WDR81: variants seen among roughly 807,000 people sequenced by gnomAD.
The protein encoded by WDR81 is WD repeat domain 81, also known as WD repeat-containing protein 81.
Under a neutral mutation model 140.8 loss-of-function variants are expected in WDR81, and 92 were observed. That is an observed-to-expected ratio of 0.65 (90% CI 0.55 to 0.78). The LOEUF (loss-of-function observed/expected upper bound fraction) is 0.78, where lower values mean the gene tolerates loss of function less well. Ranked by LOEUF, WDR81 falls within the 30% of genes least tolerant of loss-of-function variation. WDR81 has a pLI of 0.00. For missense variants in WDR81, 2,502 were observed against 2,636.4 expected (o/e 0.95, Z 1.12); for synonymous variants, 1,183 against 1,156.4 (o/e 1.02, Z -0.47).
chr17:1,737,571 C>G lies in WDR81; in HGVS notation c.5712C>G (p.Thr1904=). 2.5e-6 allele frequency: 4 copies of G among 1,612,910 alleles called. No homozygotes were observed. The South Asian group carries it at 3.3e-5, about 13-fold the overall frequency. Residue 1904 remains threonine, a synonymous_variant, in exon 10 of 10, where the codon ACC becomes ACG. Transcript: ENST00000409644. The part of the protein sequence containing the change: ...CSLLEPPSQA[T]TKLSSENFRG... Reference sequence around the variant, plus strand: ...TGCTTGAGCCACCCTCGCAGGCCACCACGAAGCTCAGCTCTGAGAACTTCC... The same window carrying G: ...TGCTTGAGCCACCCTCGCAGGCCACGACGAAGCTCAGCTCTGAGAACTTCC...
In WDR81 at chr17:1,737,656, G is replaced by A; in HGVS notation, c.5797G>A (p.Asp1933Asn). The stretch of plus-strand genomic sequence containing the variant: ...TAAACGCCACCTCCTGCTGGGCTCA[G>A]ACAACGGGGTTATCCGCCTCCTGGC... Reference protein sequence around the residue: ...PTKRHLLLGSDNGVIRLLA With the variant: ...PTKRHLLLGSNNGVIRLLA The change falls in exon 10 of 10, where the codon GAC (aspartate) becomes AAC (asparagine). Residue 1933 changes from aspartate to asparagine, a missense_variant. Coordinates refer to ENST00000409644, the MANE Select transcript of WDR81 (RefSeq NM_001163809.2). 6.2e-7 allele frequency: 1 copy of A among 1,611,726 alleles called. No individual in the cohort carries two copies. Among genetic ancestry groups the A allele is most frequent in the Non-Finnish European group, 8.5e-7 (1 of 1,179,798 alleles).
At position 1,725,544 on chromosome 17, in the gene WDR81, T is replaced by A. The variant is rs756066852; in HGVS notation, c.585T>A (p.Thr195=). The A allele has an allele frequency of 6.5e-7, 1 of 1,545,158 alleles. No individual in the cohort carries two copies. Among genetic ancestry groups the A allele is most frequent in the South Asian group, 1.2e-5 (1 of 84,068 alleles). ...GCTCCTTCCTGCCAGTGGGTGAAACTACCCAATGCCCTTCATATGCCAGAG... is the reference window on the plus strand; with the variant it reads ...GCTCCTTCCTGCCAGTGGGTGAAACAACCCAATGCCCTTCATATGCCAGAG... ...YGCSFLPVGE[T]TQCPSYAREG... The change falls in exon 1 of 10, where the codon ACT becomes ACA. Residue 195 remains threonine (T), a synonymous_variant. Transcript: ENST00000409644.
chr17:1,721,274 A>G (rs1220778959), upstream of WDR81, among the ~76,000 whole-genome samples: 3 of 151,910 alleles, frequency 2.0e-5, no homozygotes, highest in African/African-American at 7.3e-5. Context: ...CAGGAGAATC[A>G]CTTGAACCCG....
At position 1,728,506 on chromosome 17, in the gene WDR81, C is replaced by T. The variant is rs1423441158; in HGVS notation, c.3547C>T (p.Leu1183=). The T allele has an allele frequency of 1.2e-5, 19 of 1,586,310 alleles. No homozygotes were observed. Among genetic ancestry groups the T allele is most frequent in the South Asian group, 3.4e-5 (3 of 88,670 alleles). ...GGTCACCGGGGCATCTGAGCTCACT[C>T]TGTCTGACACGGTGCTGTCCATGGA... ...EEVTGASELT[L]SDTVLSMETV... Residue 1183 remains leucine (L), a synonymous_variant, in exon 1 of 10, where the codon CTG becomes TTG. Coordinates refer to ENST00000409644, the MANE Select transcript of WDR81 (RefSeq NM_001163809.2).
chr17:1,728,894 A>C (rs1915490483), intron 1 of WDR81, among the ~76,000 whole-genome samples: 1 of 152,012 alleles, frequency 6.6e-6, no homozygotes, highest in African/African-American at 2.4e-5. Context: ...CGGAGCTTGC[A>C]GTGAGCCGAG....
chr17:1,720,598 G>A (rs1465287561), upstream of WDR81, among the ~76,000 whole-genome samples: 1 of 151,990 alleles, frequency 6.6e-6, no homozygotes, highest in Non-Finnish European at 1.5e-5. Flanking sequence ...CCAACATGGT[G>A]AAACCCCATC....
rs754545737 is a variant in WDR81 at position 1,728,056 on chromosome 17, G to A, written c.3097G>A (p.Glu1033Lys). 1.3e-5 allele frequency: 19 copies of A among 1,504,484 alleles called. No individual in the cohort carries two copies. Among genetic ancestry groups the A allele is most frequent in the Middle Eastern group, 1.9e-4 (1 of 5,380 alleles). 93.2% of individuals were successfully genotyped at this position (1,504,484 alleles called of 1,614,324 possible). A position where few individuals can be genotyped will look rare whatever the true frequency, so the allele number is the denominator to read the frequency against. Residue 1033 changes from glutamate to lysine, a missense_variant, in exon 1 of 10, where the codon GAG becomes AAG. Physicochemically the swap from Glu to Lys is moderately conservative, Grantham distance 56. Coordinates refer to ENST00000409644, the MANE Select transcript of WDR81 (RefSeq NM_001163809.2). The stretch of plus-strand genomic sequence containing the variant: ...CCTGGCAGGGGCTGCTGAGGAGGAG[G>A]AGAGCGGGCTGCCCGGGGCCGGGCC... The part of the protein sequence containing the change: ...KDLAGAAEEE[E>K]SGLPGAGPGS...
At position 1,732,340 on chromosome 17, in the gene WDR81, C is replaced by G. The variant is rs778781096; in HGVS notation, c.4173C>G (p.Ala1391=). The part of the protein sequence containing the change: ...TSLVTGFPSG[A]QARTILCVKT... ...CTGTTTCCAGGTTCCCAAGTGGGGC[C>G]CAGGCTCGGACCATCCTGTGTGTGA... Residue 1391 remains alanine, a synonymous_variant, in exon 5 of 10, where the codon GCC becomes GCG. Coordinates refer to ENST00000409644, the MANE Select transcript of WDR81 (RefSeq NM_001163809.2). The G allele has an allele frequency of 3.1e-6, 5 of 1,613,214 alleles. No individual in the cohort carries two copies. In the Admixed American group the frequency reaches 5.0e-5, roughly 16 times the overall value.
Position 1,727,254 on chromosome 17 carries a change from C to A in WDR81, c.2295C>A (p.Cys765Ter). Residue 765 changes from cysteine to a stop codon, truncating the protein, a stop_gained, in exon 1 of 10, where the codon TGC (cysteine) becomes TGA (stop). Coordinates refer to ENST00000409644, the MANE Select transcript of WDR81 (RefSeq NM_001163809.2). LOFTEE classifies it high-confidence loss of function. ...PRVQPAVPLQ[C>*]LLHRDMQALG... is the part of the protein sequence containing the mutation. ...TCCAGCCGGCTGTGCCACTGCAGTG[C>A]CTACTCCACAGGGACATGCAGGCGC... The A allele has an allele frequency of 6.5e-7, 1 of 1,550,320 alleles. No homozygotes were observed. Among genetic ancestry groups the A allele is most frequent in the Non-Finnish European group, 8.7e-7 (1 of 1,146,958 alleles).
chr17:1,717,065 G>A (rs2151152564), intron 1 of WDR81: 1 of 200,658 alleles, frequency 5.0e-6, no homozygotes, highest in Middle Eastern at 2.1e-3. Context: ...CTTCTGGTCA[G>A]AAATTAGGGG....
rs1340385786 is a variant in WDR81 at position 1,738,123 on chromosome 17, G to A, written c.*438G>A. On this transcript the variant is annotated 3_prime_UTR_variant, in exon 10 of 10. Transcript: ENST00000409644. ...AGGACAGGGAAGCTGGCCTGGTCCAGGGCACTGATGGTGCTTGGATTCCAG... is the reference window on the plus strand; with the variant it reads ...AGGACAGGGAAGCTGGCCTGGTCCAAGGCACTGATGGTGCTTGGATTCCAG... The A allele has an allele frequency of 3.6e-5, 7 of 194,248 alleles. No homozygotes were observed. Among genetic ancestry groups the A allele is most frequent in the Admixed American group, 1.1e-4 (2 of 18,868 alleles). 12.0% of individuals were successfully genotyped at this position (194,248 alleles called of 1,614,324 possible). A position where few individuals can be genotyped will look rare whatever the true frequency, so the allele number is the denominator to read the frequency against.
In WDR81 at chr17:1,735,988, G is replaced by A. The variant is rs759722161; in HGVS notation, c.5326-51G>A. On this transcript the variant is annotated intron_variant, in intron 8 of 9. Coordinates refer to ENST00000409644, the MANE Select transcript of WDR81 (RefSeq NM_001163809.2). This position sits in a 1 kb window ranked among gnomAD's most constrained non-coding sequence, Gnocchi z 4.2. ...CTTGGGTGGTGGGCAGGGCCTTGGG[G>A]AGTGTGAGATGGGAAGGTGGTGCCT... 2.6e-4 allele frequency: 401 copies of A among 1,551,118 alleles called. No individual in the cohort carries two copies. The highest frequency in any genetic ancestry group is 3.3e-4 in the Non-Finnish European group (378 of 1,153,492).
rs1367234558 is a variant in WDR81, at chr17:1,727,773, T to A, written c.2814T>A (p.Ala938=). 6.4e-7 allele frequency: 1 copy of A among 1,550,718 alleles called. No individual in the cohort carries two copies. Among genetic ancestry groups the A allele is most frequent in the South Asian group, 1.2e-5 (1 of 84,066 alleles). ...CACTCATGTCCGAGGAGCACACAGC[T>A]GTGTACACGGCCTGGTATCTGTTTG... ...VLSLMSEEHT[A]VYTAWYLFEP... The change falls in exon 1 of 10, where the codon GCT becomes GCA. Residue 938 remains alanine (A), a synonymous_variant. Coordinates refer to ENST00000409644, the MANE Select transcript of WDR81 (RefSeq NM_001163809.2).
chr17:1,723,531 G>A (rs1183526872), upstream of WDR81, among the ~76,000 whole-genome samples: 2 of 146,254 alleles, frequency 1.4e-5, no homozygotes, highest in Non-Finnish European at 3.0e-5. Flanking sequence ...TGTTGCCCAG[G>A]TTGGAGTACA....
In WDR81 at chr17:1,728,145, G is replaced by C. The variant is rs62090046; in HGVS notation, c.3186G>C (p.Leu1062=). 0.016 allele frequency: 26,434 copies of C among 1,607,094 alleles called. 289 individuals carry two copies. Among genetic ancestry groups the C allele is most frequent in the Non-Finnish European group, 0.019 (22,898 of 1,175,924 alleles). ...MDGEPPASSG[L]GLPDYTSGVS... ...GGGAGCCTCCTGCCTCCTCGGGCCT[G>C]GGGCTCCCAGACTACACGTCTGGCG... The change falls in exon 1 of 10, where the codon CTG becomes CTC. Residue 1062 remains leucine (L), a synonymous_variant. Transcript: ENST00000409644.
chr17:1,725,526 C>G lies in WDR81; in HGVS notation c.567C>G (p.Phe189Leu), dbSNP rs1302683338. The G allele has an allele frequency of 6.5e-7, 1 of 1,545,646 alleles. No homozygotes were observed. The highest frequency in any genetic ancestry group is 2.4e-5 in the East Asian group (1 of 40,934). The change falls in exon 1 of 10, where the codon TTC (phenylalanine) becomes TTG (leucine). Residue 189 changes from phenylalanine to leucine, a missense_variant. By Grantham distance (22) the Phe-to-Leu change is conservative. This residue lies in a region of WDR81 where 547 missense variants were observed against 513.8 expected (regional missense o/e 1.06). Coordinates refer to ENST00000409644, the MANE Select transcript of WDR81 (RefSeq NM_001163809.2). ...QALQRVYGCSFLPVGETTQCP... is the reference protein window; with the variant it reads ...QALQRVYGCSLLPVGETTQCP... ...TGCAGAGGGTCTATGGTTGCTCCTT[C>G]CTGCCAGTGGGTGAAACTACCCAAT... is the stretch of plus-strand genomic sequence containing the variant.
Position 1,728,847 on chromosome 17 carries a change from G to C in WDR81, c.3667+221G>C, listed in dbSNP as rs557668903. 2.0e-5 allele frequency among the ~76,000 whole-genome samples: 3 copies of C among 152,218 alleles called. No individual in the cohort carries two copies. The South Asian group carries it at 6.2e-4, about 32-fold the overall frequency. Reference sequence around the variant, plus strand: ...AGGCACCTGTAGTCCCAGCTACTCGGAAGGCTGAGGCAGGAGAATGGCGTG... The same window carrying C: ...AGGCACCTGTAGTCCCAGCTACTCGCAAGGCTGAGGCAGGAGAATGGCGTG... On this transcript the variant is annotated intron_variant, in intron 1 of 9. Coordinates refer to ENST00000409644, the MANE Select transcript of WDR81 (RefSeq NM_001163809.2).
At chr17:1,733,031 C>T (rs1279018727) in intron 6 of WDR81, 200 bp downstream of exon 6, 3 of 649,370 alleles carry the variant, frequency 4.6e-6, no homozygotes, top group Non-Finnish European at 2.5e-6. Flanking sequence ...GCAAGAGAGG[C>T]CCAGAAGCTG....
Position 1,726,206 on chromosome 17 carries a change from C to G in WDR81, c.1247C>G (p.Thr416Arg), listed in dbSNP as rs377461096. 1 of 1,527,210 alleles carries G rather than the reference C, an allele frequency of 6.5e-7. No individual in the cohort carries two copies. The highest frequency in any genetic ancestry group is 8.8e-7 in the Non-Finnish European group (1 of 1,131,994). 94.6% of individuals were successfully genotyped at this position (1,527,210 alleles called of 1,614,324 possible). ...LNKGDKQLDF[T>R]YEMTRQAFVA... ...AAGGGGGATAAGCAACTGGACTTCA[C>G]GTATGAGATGACACGGCAGGCATTC... Residue 416 changes from threonine to arginine, a missense_variant, in exon 1 of 10, where the codon ACG becomes AGG. Around this residue, in one of 3 missense-constraint regions of WDR81, gnomAD observed 218 missense variants for 279.6 expected, o/e 0.78. Coordinates refer to ENST00000409644, the MANE Select transcript of WDR81 (RefSeq NM_001163809.2).
Sources: gnomAD v4.1 joint callset for allele counts (sites outside exome capture counted in the v4.1 genomes callset) on GRCh38, gnomAD v4.1.1 for gene constraint, gnomAD v4.1.1 regional missense constraint, Gnocchi (gnomAD v3.1) non-coding constraint, MANE v1.5 for transcripts, NCBI Gene and HGNC (gene_info 2026-07-23, HGNC 2026-07-21) for gene names.